TRIM71: variants seen among roughly 807,000 people sequenced by gnomAD.
TRIM71 encodes the protein E3 ubiquitin-protein ligase TRIM71.
TRIM71 carries 9 observed loss-of-function variants against 61.2 expected under a neutral mutation model. The ratio of observed to expected loss-of-function variants is 0.15; its 90% CI spans 0.09 to 0.26. TRIM71 has a LOEUF of 0.26. Among genes scored for constraint, TRIM71 ranks in the 10% least tolerant of loss-of-function variants. The pLI is 1.00. For synonymous variants in TRIM71, 645 were observed against 553.2 expected (o/e 1.17, Z -2.33); for missense variants, 998 against 1,238.7 (o/e 0.81, Z 2.92).
chr3:32,834,179 T>C (rs777148843), intron 1 of TRIM71, among the ~76,000 whole-genome samples: 2 of 152,250 alleles, frequency 1.3e-5, no homozygotes, highest in Non-Finnish European at 2.9e-5. Context: ...GTGTCTCCAC[T>C]TTTAAACTGA....
chr3:32,866,518 C>G (rs545570431), intron 1 of TRIM71, among the ~76,000 whole-genome samples: 1 of 152,198 alleles, frequency 6.6e-6, no homozygotes, highest in African/African-American at 2.4e-5. Context: ...TGAGCCACCA[C>G]GCCTGATCAA....
chr3:32,869,862 C>T (rs963934603), intron 1 of TRIM71, among the ~76,000 whole-genome samples: 1 of 152,166 alleles, frequency 6.6e-6, no homozygotes, highest in African/African-American at 2.4e-5. Flanking sequence ...GCTGGGGCAG[C>T]CGGATTGTCG....
At chr3:32,856,792 G>A (rs932788542) in intron 1 of TRIM71, among the ~76,000 whole-genome samples, 7 of 152,172 alleles carry the variant, frequency 4.6e-5, no homozygotes, top group African/African-American at 1.7e-4. Context: ...CAAACACTGT[G>A]ATTTAACTTG....
At chr3:32,876,967 G>A (rs1696857826) in intron 2 of TRIM71, among the ~76,000 whole-genome samples, 1 of 152,118 alleles carries the variant, frequency 6.6e-6, no homozygotes. Context: ...TTAGTTGAAA[G>A]TGTGTGCCCA....
chr3:32,837,548 G>T (rs1696349101), intron 1 of TRIM71, among the ~76,000 whole-genome samples: 1 of 152,160 alleles, frequency 6.6e-6, no homozygotes, highest in Admixed American at 6.5e-5. Flanking sequence ...CGCCGGGCGT[G>T]GTGGCTCATG....
chr3:32,879,344 A>T (rs1696883387), intron 2 of TRIM71, among the ~76,000 whole-genome samples: 1 of 152,210 alleles, frequency 6.6e-6, no homozygotes, highest in Non-Finnish European at 1.5e-5. Context: ...TTTACTTTGC[A>T]ATCACAGCTT....
In TRIM71 at chr3:32,894,556, C is replaced by G. The variant is rs1697059991; in HGVS notation, c.*2745C>G. 2 of 152,176 alleles carry G rather than the reference C, an allele frequency of 1.3e-5. No individual in the cohort carries two copies. Among genetic ancestry groups the G allele is most frequent in the South Asian group, 4.1e-4 (2 of 4,826 alleles). 9.4% of individuals were successfully genotyped at this position (152,176 alleles called of 1,614,324 possible). ...CAGTGGTGGTATATCTATCTCCTTA[C>G]CTTTCTGTACCCAAAATGGTGCATG... is the stretch of plus-strand genomic sequence containing the variant. On this transcript the variant is annotated 3_prime_UTR_variant, in exon 4 of 4. Transcript: ENST00000383763.
At chr3:32,854,004 C>CAAA (rs571008559) in intron 1 of TRIM71, among the ~76,000 whole-genome samples, 3 of 134,206 alleles carry the variant, frequency 2.2e-5, no homozygotes, top group African/African-American at 8.2e-5. Context: ...ACTCCCATCT[C>CAAA]AAAAAAAAAA....
chr3:32,858,952 C>T (rs1386506245), intron 1 of TRIM71, among the ~76,000 whole-genome samples: 1 of 152,138 alleles, frequency 6.6e-6, no homozygotes, highest in Non-Finnish European at 1.5e-5. Context: ...TCTGGCTTTT[C>T]CCATCTTTGT....
rs76939459 is a variant in TRIM71, at chr3:32,886,672, A to G, written c.1155+604A>G. On this transcript the variant is annotated intron_variant, in intron 3 of 3. Transcript: ENST00000383763. ...ATGAAAGGGCCAGTACTCCATGCCA[A>G]TTCTTTAACTATAATTACATTCTCT... Among the ~76,000 whole-genome samples the G allele has an allele frequency of 8.8e-3, 1,347 of 152,310 alleles. 63 individuals carry two copies. The East Asian group carries it at 0.15, about 17-fold the overall frequency.
intron 1 of TRIM71, among the ~76,000 whole-genome samples, chr3:32,861,562 A>T (rs1414747707): frequency 6.6e-6 from 1 of 152,146 alleles, no homozygotes; most frequent in Non-Finnish European, 1.5e-5. Context: ...TCCTGTCTCT[A>T]CAAAAAAATA....
chr3:32,850,906 C>T (rs929374371), intron 1 of TRIM71, among the ~76,000 whole-genome samples: 1 of 152,212 alleles, frequency 6.6e-6, no homozygotes, highest in Non-Finnish European at 1.5e-5. Flanking sequence ...CACCACCCAC[C>T]TCATTCTAAT....
At position 32,818,542 on chromosome 3, in the gene TRIM71, C is replaced by A; in HGVS notation, c.462C>A (p.His154Gln). ...GGHSNHRHHA[H>Q]HAHPRASASA... ...ACAGCAACCACCGGCACCACGCTCA[C>A]CACGCGCACCCGCGCGCGTCCGCCT... Residue 154 changes from histidine to glutamine, a missense_variant, in exon 1 of 4, where the codon CAC (histidine) becomes CAA (glutamine). This residue lies in a region of TRIM71 where 527 missense variants were observed against 427.8 expected (regional missense o/e 1.23). Coordinates refer to ENST00000383763, the MANE Select transcript of TRIM71 (RefSeq NM_001039111.3). 1.6e-6 allele frequency: 2 copies of A among 1,287,140 alleles called. No individual in the cohort carries two copies. The highest frequency in any genetic ancestry group is 2.0e-6 in the Non-Finnish European group (2 of 1,023,910). The allele number at this position is 1,287,140 out of a possible 1,614,324, so 79.7% of individuals were successfully genotyped here. A position where few individuals can be genotyped will look rare whatever the true frequency, so the allele number is the denominator to read the frequency against.
intron 1 of TRIM71, among the ~76,000 whole-genome samples, chr3:32,823,265 A>G (rs1696161361): frequency 6.6e-6 from 1 of 152,242 alleles, no homozygotes; most frequent in African/African-American, 2.4e-5. Flanking sequence ...GTTCCATTAA[A>G]GTGCATAGGA....
chr3:32,833,670 A>ATTTAT (rs1363911352), intron 1 of TRIM71, among the ~76,000 whole-genome samples: 5 of 149,518 alleles, frequency 3.3e-5, no homozygotes, highest in African/African-American at 7.5e-5. Flanking sequence ...TTATTTATTT[A>ATTTAT]TTTATTTTAT....
At position 32,895,655 on chromosome 3, in the gene TRIM71, G is replaced by A. The variant is rs1393663254; in HGVS notation, c.*3844G>A. The A allele has an allele frequency of 2.0e-5, 3 of 152,172 alleles. No individual in the cohort carries two copies. Among genetic ancestry groups the A allele is most frequent in the African/African-American group, 2.4e-5 (1 of 41,424 alleles). 9.4% of individuals were successfully genotyped at this position (152,172 alleles called of 1,614,324 possible). A position where few individuals can be genotyped will look rare whatever the true frequency, so the allele number is the denominator to read the frequency against. On this transcript the variant is annotated 3_prime_UTR_variant, in exon 4 of 4. Coordinates refer to ENST00000383763, the MANE Select transcript of TRIM71 (RefSeq NM_001039111.3). Reference sequence around the variant, plus strand: ...ATATTTAAAACATCACTCTGAATGAGTTTCCAACAGTCTGGGGCTGTATAA... The same window carrying A: ...ATATTTAAAACATCACTCTGAATGAATTTCCAACAGTCTGGGGCTGTATAA...
intron 1 of TRIM71, among the ~76,000 whole-genome samples, chr3:32,820,120 G>A (rs1268337109): frequency 2.6e-5 from 4 of 152,234 alleles, no homozygotes; most frequent in Admixed American, 2.0e-4. Flanking sequence ...GGGTGTGGGT[G>A]AAAGTCTTGA....
intron 1 of TRIM71, among the ~76,000 whole-genome samples, chr3:32,861,536 G>A (rs1696668392): frequency 6.6e-6 from 1 of 152,028 alleles, no homozygotes; most frequent in African/African-American, 2.4e-5. Flanking sequence ...AGACCAGCCT[G>A]GGCAACAAAG....
intron 3 of TRIM71, among the ~76,000 whole-genome samples, chr3:32,887,738 A>C (rs1469466423): frequency 1.3e-5 from 2 of 152,158 alleles, no homozygotes; most frequent in African/African-American, 4.8e-5. Context: ...GGTAAGAACC[A>C]AAGGTGGAGG....
Sources: allele counts gnomAD v4.1 joint callset (sites outside exome capture counted in the v4.1 genomes callset), GRCh38; gene constraint gnomAD v4.1.1; regional missense constraint gnomAD v4.1.1; transcripts MANE v1.5; gene names NCBI Gene and HGNC (gene_info 2026-07-23, HGNC 2026-07-21).